Variants in ECHDC1 observed in about 807,000 individuals in gnomAD.
ECHDC1 encodes the protein ethylmalonyl-CoA decarboxylase 1.
In ECHDC1, 29 loss-of-function variants were observed where a neutral mutation model predicts 29.7. The observed-to-expected ratio is 0.98, with a 90% CI of 0.73 to 1.33. The LOEUF (loss-of-function observed/expected upper bound fraction) is 1.33. ECHDC1 is among the 40% of genes most tolerant of loss of function. ECHDC1 has a pLI of 0.00. For missense variants in ECHDC1, 328 were observed against 350.0 expected (o/e 0.94, Z 0.50); for synonymous variants, 126 against 123.1 (o/e 1.02, Z -0.15).
intron 2 of ECHDC1, chr6:127,329,842 T>C: frequency 2.2e-6 from 1 of 451,752 alleles, no homozygotes; most frequent in Non-Finnish European, 4.4e-6. Context: ...TACATTATGT[T>C]TTCATTGGTC....
At chr6:127,316,157 A>C (rs553036822) in intron 4 of ECHDC1, 10 of 465,388 alleles carry the variant, frequency 2.1e-5, no homozygotes, top group Middle Eastern at 4.2e-4. Flanking sequence ...TAATACCAGT[A>C]TTTAACTTTC....
chr6:127,289,055 A>AAAGAT lies in ECHDC1; in HGVS notation c.*809_*813dup, dbSNP rs1433791130. Reference sequence around the variant, plus strand: ...TGCATTTTTATTACATTTACTTTTGAAAGATAGTTGTTAGAAGGTTAGTTG... The same window carrying AAAGAT: ...TGCATTTTTATTACATTTACTTTTGAAAGATAAGATAGTTGTTAGAAGGTTAGTTG... On this transcript the variant is annotated 3_prime_UTR_variant, in exon 6 of 6. Coordinates refer to ENST00000454859, the MANE Select transcript of ECHDC1 (RefSeq NM_001002030.2). 2 of 152,028 alleles carry AAAGAT rather than the reference A, an allele frequency of 1.3e-5. No individual in the cohort carries two copies. The highest frequency in any genetic ancestry group is 2.4e-5 in the African/African-American group (1 of 41,418). 9.4% of individuals were successfully genotyped at this position (152,028 alleles called of 1,614,324 possible). A position where few individuals can be genotyped will look rare whatever the true frequency, so the allele number is the denominator to read the frequency against.
intron 1 of ECHDC1, among the ~76,000 whole-genome samples, chr6:127,340,334 A>G (rs1562339224): frequency 6.6e-6 from 1 of 152,116 alleles, no homozygotes; most frequent in Non-Finnish European, 1.5e-5. Context: ...TCCCTTCTTC[A>G]TTCTATTTAC....
intron 5 of ECHDC1, among the ~76,000 whole-genome samples, chr6:127,298,132 C>G (rs948789338): frequency 6.6e-6 from 1 of 152,126 alleles, no homozygotes; most frequent in Admixed American, 6.5e-5. Flanking sequence ...AGATAAAACA[C>G]AATAGCAAAA....
intron 5 of ECHDC1, among the ~76,000 whole-genome samples, chr6:127,302,914 T>C (rs1048060141): frequency 3.3e-5 from 5 of 152,304 alleles, no homozygotes; most frequent in Admixed American, 2.0e-4. Context: ...AGCATTCTAA[T>C]GCAATCTGCA....
intron 5 of ECHDC1, among the ~76,000 whole-genome samples, chr6:127,304,759 T>C (rs1423812386): frequency 3.9e-5 from 6 of 152,174 alleles, no homozygotes; most frequent in Admixed American, 6.5e-5. Context: ...TGGCATACTA[T>C]TGAAGAATGC....
rs149591747 is a variant in ECHDC1, at chr6:127,310,547, A to C, written c.497+4269T>G. Among the ~76,000 whole-genome samples, 38 of 152,300 alleles carry C rather than the reference A, an allele frequency of 2.5e-4. No homozygotes were observed. In the East Asian group the frequency reaches 7.1e-3, roughly 29 times the overall value. ...GAAGTAGAACCTGAAGATGTAACCA[A>C]ATTGCTACAATCTCATGATAAAACC... On this transcript the variant is annotated intron_variant, in intron 5 of 5. Transcript: ENST00000454859.
intron 5 of ECHDC1, among the ~76,000 whole-genome samples, chr6:127,310,342 T>G (rs1781803727): frequency 6.6e-6 from 1 of 151,964 alleles, no homozygotes; most frequent in Admixed American, 6.6e-5. Context: ...GCAAAACATC[T>G]CATGTACCCC....
chr6:127,303,223 T>C (rs1781187704), intron 5 of ECHDC1, among the ~76,000 whole-genome samples: 1 of 151,502 alleles, frequency 6.6e-6, no homozygotes, highest in Non-Finnish European at 1.5e-5. Flanking sequence ...ATGCCATTTA[T>C]ATGAAGTCAA....
intron 1 of ECHDC1, among the ~76,000 whole-genome samples, chr6:127,341,191 T>C (rs953079192): frequency 2.6e-5 from 4 of 152,326 alleles, no homozygotes; most frequent in African/African-American, 7.2e-5. Flanking sequence ...TCTCCTCCTC[T>C]TATATTCCTT....
intron 3 of ECHDC1, among the ~76,000 whole-genome samples, chr6:127,318,576 G>A (rs757193227): frequency 6.6e-6 from 1 of 152,186 alleles, no homozygotes; most frequent in African/African-American, 2.4e-5. Context: ...AAACTCAGAA[G>A]AGTGTCAAAG....
At chr6:127,310,117 G>A (rs1781780617) in intron 5 of ECHDC1, among the ~76,000 whole-genome samples, 1 of 152,066 alleles carries the variant, frequency 6.6e-6, no homozygotes, top group South Asian at 2.1e-4. Flanking sequence ...CAGGGGGATG[G>A]GGATAGTTAA....
At position 127,290,192 on chromosome 6, in the gene ECHDC1, C is replaced by T. The variant is rs776081522; in HGVS notation, c.583G>A (p.Glu195Lys). 1 of 1,613,660 alleles carries T rather than the reference C, an allele frequency of 6.2e-7. No homozygotes were observed. The highest frequency in any genetic ancestry group is 8.5e-7 in the Non-Finnish European group (1 of 1,179,752). ...AGAGCTTGTCTACTTCCGATTATTT[C>T]AACTAGCCGGGTGGTGCCACCCCAG... ...PSWGGTTRLVEIIGSRQALKV... is the reference protein window; with the variant it reads ...PSWGGTTRLVKIIGSRQALKV... Residue 195 changes from glutamate to lysine, a missense_variant, in exon 6 of 6, where the codon GAA (glutamate) becomes AAA (lysine). Physicochemically the swap from Glu to Lys is moderately conservative, Grantham distance 56 (BLOSUM62 1). Coordinates refer to ENST00000454859, the MANE Select transcript of ECHDC1 (RefSeq NM_001002030.2).
intron 5 of ECHDC1, among the ~76,000 whole-genome samples, chr6:127,308,809 G>A (rs922009009): frequency 2.0e-5 from 3 of 152,066 alleles, no homozygotes; most frequent in Non-Finnish European, 4.4e-5. Flanking sequence ...TTTTCTATAT[G>A]TAAACAGTGA....
chr6:127,341,942 A>G (rs1296987146), intron 1 of ECHDC1, among the ~76,000 whole-genome samples: 1 of 152,244 alleles, frequency 6.6e-6, no homozygotes, highest in Non-Finnish European at 1.5e-5. Context: ...TCATAACATA[A>G]ACTACCTTTC....
intron 5 of ECHDC1, among the ~76,000 whole-genome samples, chr6:127,311,812 G>A (rs991828612): frequency 6.9e-6 from 1 of 144,588 alleles, no homozygotes; most frequent in African/African-American, 2.5e-5. Flanking sequence ...ACATTAGTAT[G>A]ATAAATGAAA....
chr6:127,331,877 A>C, intron 1 of ECHDC1: 3 of 985,374 alleles, frequency 3.0e-6, no homozygotes, highest in Non-Finnish European at 3.6e-6. Context: ...CCTAAGAAAA[A>C]TGGGGAGGGA....
At chr6:127,328,242 C>T (rs1358364152) in intron 2 of ECHDC1, among the ~76,000 whole-genome samples, 1 of 152,166 alleles carries the variant, frequency 6.6e-6, no homozygotes, top group Non-Finnish European at 1.5e-5. Context: ...AGTCATGCAC[C>T]AACAATGTAT....
At chr6:127,315,919 T>A (rs1426480509) in intron 4 of ECHDC1, 8 of 469,830 alleles carry the variant, frequency 1.7e-5, no homozygotes, top group Non-Finnish European at 3.5e-5. Context: ...TGTCAGTTTG[T>A]AACCTCAAAC....
Sources: allele counts gnomAD v4.1 joint callset (sites outside exome capture counted in the v4.1 genomes callset), GRCh38; gene constraint gnomAD v4.1.1; transcripts MANE v1.5; gene names NCBI Gene and HGNC (gene_info 2026-07-23, HGNC 2026-07-21).